HEMK2: variants seen among roughly 807,000 people sequenced by gnomAD.
The protein encoded by HEMK2 is HemK methyltransferase 2, ETF1 glutamine and histone H4 lysine.
chr21:28,634,653 G>C, the HEMK2 span, among the ~76,000 whole-genome samples: 2 of 152,132 alleles, frequency 1.3e-5, no homozygotes, highest in East Asian at 3.8e-4. Context: ...TAGGATTTGA[G>C]TCCTTGGGGT....
the HEMK2 span, among the ~76,000 whole-genome samples, chr21:28,824,741 C>T: frequency 2.0e-5 from 3 of 152,078 alleles, no homozygotes; most frequent in Non-Finnish European, 2.9e-5. Context: ...GTAGTCCATC[C>T]ACACTCCATA....
At chr21:28,789,571 TG>T in the HEMK2 span, among the ~76,000 whole-genome samples, 1 of 152,248 alleles carries the variant, frequency 6.6e-6, no homozygotes, top group Non-Finnish European at 1.5e-5. Context: ...ACTAATGCCT[TG>T]GGGTAGAAGT....
At chr21:28,877,632 A>G in the HEMK2 span, among the ~76,000 whole-genome samples, 2 of 104,186 alleles carry the variant, frequency 1.9e-5, no homozygotes, top group East Asian at 4.8e-4. Context: ...AGAGAGAAAT[A>G]GGAAGGAAGG....
the HEMK2 span, among the ~76,000 whole-genome samples, chr21:28,704,486 C>A: frequency 6.6e-6 from 1 of 151,666 alleles, no homozygotes; most frequent in Non-Finnish European, 1.5e-5. Flanking sequence ...TAGCTCTAAA[C>A]CCCTTGCTTA....
the HEMK2 span, among the ~76,000 whole-genome samples, chr21:28,715,253 C>A: frequency 1.2e-3 from 183 of 152,300 alleles, 1 homozygote; most frequent in African/African-American, 4.0e-3. Flanking sequence ...TACATTCCCA[C>A]CAGCAGTGTG....
chr21:28,613,362 T>G, the HEMK2 span, among the ~76,000 whole-genome samples: 1 of 152,154 alleles, frequency 6.6e-6, no homozygotes, highest in African/African-American at 2.4e-5. Context: ...TAACTGTGAC[T>G]GTACATAGCT....
the HEMK2 span, among the ~76,000 whole-genome samples, chr21:28,831,459 G>GAAAGA: frequency 0.016 from 493 of 30,964 alleles, 33 homozygotes; most frequent in African/African-American, 0.061. Context: ...AGAAAGAAAA[G>GAAAGA]AACGAAAGAA....
the HEMK2 span, among the ~76,000 whole-genome samples, chr21:28,714,911 G>T: frequency 1.3e-5 from 2 of 152,244 alleles, no homozygotes; most frequent in East Asian, 3.9e-4. Context: ...CTGTTCCTGT[G>T]TTAATTTGCT....
At chr21:28,730,977 A>T in the HEMK2 span, among the ~76,000 whole-genome samples, 18 of 152,080 alleles carry the variant, frequency 1.2e-4, no homozygotes, top group East Asian at 3.3e-3. Flanking sequence ...CCATCCCAGC[A>T]GGAAAAACTC....
chr21:28,883,059 G>A, the HEMK2 span: 8 of 1,599,478 alleles, frequency 5.0e-6, no homozygotes, highest in Non-Finnish European at 6.8e-6. Context: ...CTACTTCCAG[G>A]CATATTTCCA....
chr21:28,616,525 T>A, the HEMK2 span, among the ~76,000 whole-genome samples: 3 of 152,216 alleles, frequency 2.0e-5, no homozygotes, highest in Admixed American at 6.5e-5. Flanking sequence ...GTAGTTTTTT[T>A]AAATTCTATT....
chr21:28,856,415 C>CAAAAAAAAA, the HEMK2 span, among the ~76,000 whole-genome samples: 1 of 118,902 alleles, frequency 8.4e-6, no homozygotes, highest in East Asian at 2.4e-4. Flanking sequence ...GACTCCATCT[C>CAAAAAAAAA]AAAAAAAAAA....
chr21:28,762,621 C>A, the HEMK2 span, among the ~76,000 whole-genome samples: 3 of 152,140 alleles, frequency 2.0e-5, no homozygotes, highest in African/African-American at 7.2e-5. Flanking sequence ...AACCTAATCT[C>A]TTTGCCCTCA....
chr21:28,834,571 G>T, the HEMK2 span, among the ~76,000 whole-genome samples: 1 of 152,094 alleles, frequency 6.6e-6, no homozygotes, highest in Admixed American at 6.5e-5. Flanking sequence ...GAGGAGCAGG[G>T]GATAAAACTA....
chr21:28,757,088 T>A, the HEMK2 span, among the ~76,000 whole-genome samples: 1 of 152,206 alleles, frequency 6.6e-6, no homozygotes, highest in Admixed American at 6.5e-5. Flanking sequence ...AAATGTCTAT[T>A]AAATATTTTC....
chr21:28,861,908 C>T, the HEMK2 span, among the ~76,000 whole-genome samples: 9 of 152,186 alleles, frequency 5.9e-5, no homozygotes, highest in African/African-American at 9.6e-5. Flanking sequence ...CGCCACATTA[C>T]GTTGTGCTGG....
the HEMK2 span, among the ~76,000 whole-genome samples, chr21:28,728,726 T>C: frequency 1.3e-5 from 2 of 152,210 alleles, no homozygotes; most frequent in African/African-American, 2.4e-5. Context: ...AAACCACAAG[T>C]AGGAATTGAT....
chr21:28,824,298 T>C, the HEMK2 span, among the ~76,000 whole-genome samples: 4 of 152,234 alleles, frequency 2.6e-5, no homozygotes, highest in Non-Finnish European at 4.4e-5. Context: ...CTTTAGGTTC[T>C]ATCAGAATTT....
At chr21:28,691,370 T>C in the HEMK2 span, among the ~76,000 whole-genome samples, 2 of 152,218 alleles carry the variant, frequency 1.3e-5, no homozygotes, top group African/African-American at 4.8e-5. Context: ...AATTTAAGGA[T>C]TTAAATATCT....
Sources: gnomAD v4.1 joint callset for allele counts (sites outside exome capture counted in the v4.1 genomes callset) on GRCh38, gnomAD v4.1.1 for gene constraint, MANE v1.5 for transcripts, NCBI Gene and HGNC (gene_info 2026-07-23, HGNC 2026-07-21) for gene names.